MSI2: variants seen among roughly 807,000 people sequenced by gnomAD.
MSI2 encodes RNA-binding protein Musashi homolog 2.
In MSI2, 17 loss-of-function variants were observed where a neutral mutation model predicts 45.6. That is an observed-to-expected ratio of 0.37 (90% CI 0.26 to 0.56). The LOEUF (loss-of-function observed/expected upper bound fraction) is 0.56, where lower values mean the gene tolerates loss of function less well. MSI2 is among the 20% of genes least tolerant of loss of function. The pLI is 0.77. For synonymous variants in MSI2, 156 were observed against 158.2 expected (o/e 0.99, Z 0.11); for missense variants, 293 against 444.2 (o/e 0.66, Z 3.06).
At chr17:57,441,120 G>A (rs1269136770) in intron 6 of MSI2, among the ~76,000 whole-genome samples, 1 of 152,138 alleles carries the variant, frequency 6.6e-6, no homozygotes, top group African/African-American at 2.4e-5. Context: ...TGAGGATGAA[G>A]TCTTTGTATT....
intron 7 of MSI2, among the ~76,000 whole-genome samples, chr17:57,570,434 G>T (rs1246978388): frequency 6.6e-6 from 1 of 152,190 alleles, no homozygotes; most frequent in Non-Finnish European, 1.5e-5. Context: ...GTTGAAATCT[G>T]TGCCTTAATT....
At chr17:57,619,468 G>A (rs1332280781) in intron 9 of MSI2, among the ~76,000 whole-genome samples, 1 of 152,222 alleles carries the variant, frequency 6.6e-6, no homozygotes, top group Non-Finnish European at 1.5e-5. Context: ...CCAGTCTTAG[G>A]AATCAGGGAA....
intron 8 of MSI2, among the ~76,000 whole-genome samples, chr17:57,598,756 G>C (rs185262116): frequency 6.6e-6 from 1 of 151,998 alleles, no homozygotes; most frequent in Non-Finnish European, 1.5e-5. Context: ...TCCGCCTCCC[G>C]GGCTCAAGCA....
chr17:57,435,147 G>A (rs2143415585), intron 6 of MSI2, among the ~76,000 whole-genome samples: 1 of 152,156 alleles, frequency 6.6e-6, no homozygotes, highest in East Asian at 1.9e-4. Context: ...GTTGCAACTT[G>A]GGGCTACTTT....
At chr17:57,273,121 C>T (rs189227839) in intron 5 of MSI2, among the ~76,000 whole-genome samples, 1 of 152,234 alleles carries the variant, frequency 6.6e-6, no homozygotes, top group East Asian at 1.9e-4. Flanking sequence ...TTGTGAATCT[C>T]CACGAGATTG....
chr17:57,289,273 T>C (rs1440019891), intron 5 of MSI2, among the ~76,000 whole-genome samples: 3 of 152,108 alleles, frequency 2.0e-5, no homozygotes, highest in African/African-American at 4.8e-5. Context: ...GGCCAGCATC[T>C]CTATAGAGCT....
upstream of MSI2, among the ~76,000 whole-genome samples, chr17:57,256,342 TGC>T (rs1906706473): frequency 6.6e-6 from 1 of 150,704 alleles, no homozygotes; most frequent in South Asian, 2.1e-4. Context: ...GGGCCGAGTG[TGC>T]GCGCGCGGGC....
chr17:57,621,663 G>A (rs1908301107), intron 9 of MSI2, among the ~76,000 whole-genome samples: 1 of 152,158 alleles, frequency 6.6e-6, no homozygotes, highest in Non-Finnish European at 1.5e-5. Flanking sequence ...CTCTTCAGAG[G>A]GAGGCTGATA....
At chr17:57,506,868 G>T (rs538839620) in intron 6 of MSI2, among the ~76,000 whole-genome samples, 124 of 152,238 alleles carry the variant, frequency 8.1e-4, no homozygotes, top group African/African-American at 2.8e-3. Context: ...ACAGATTTCT[G>T]ACAGCTAGGA....
intron 6 of MSI2, among the ~76,000 whole-genome samples, chr17:57,487,596 G>A (rs2085780940): frequency 6.6e-6 from 1 of 151,964 alleles, no homozygotes; most frequent in Admixed American, 6.5e-5. Context: ...CTCAATACCT[G>A]GCAGCAGCCC....
At chr17:57,605,304 G>A (rs1028814369) in intron 8 of MSI2, among the ~76,000 whole-genome samples, 4 of 152,218 alleles carry the variant, frequency 2.6e-5, no homozygotes, top group Admixed American at 6.5e-5. Flanking sequence ...CGGGTGGTTC[G>A]GTGGTAAATG....
chr17:57,339,856 A>G (rs1344089066), intron 5 of MSI2, among the ~76,000 whole-genome samples: 1 of 152,084 alleles, frequency 6.6e-6, no homozygotes, highest in Admixed American at 6.5e-5. Context: ...ATTCTGGGCC[A>G]TGGCCTCCTG....
chr17:57,631,990 G>T, intron 10 of MSI2: 1 of 1,427,230 alleles, frequency 7.0e-7, no homozygotes, highest in Non-Finnish European at 9.1e-7. Context: ...TTAATTCTTG[G>T]ACTCATGTCC....
chr17:57,563,425 AG>A (rs939662731), intron 7 of MSI2, among the ~76,000 whole-genome samples: 7 of 152,078 alleles, frequency 4.6e-5, no homozygotes, highest in Middle Eastern at 3.2e-3. Flanking sequence ...CAGCCCTGTG[AG>A]ATAAGGACCC....
At chr17:57,272,370 G>A (rs1440781230) in intron 5 of MSI2, among the ~76,000 whole-genome samples, 1 of 152,194 alleles carries the variant, frequency 6.6e-6, no homozygotes, top group Non-Finnish European at 1.5e-5. Context: ...CAACATCACA[G>A]AGCTGGGCAC....
intron 6 of MSI2, among the ~76,000 whole-genome samples, chr17:57,450,772 T>C (rs2143548045): frequency 6.6e-6 from 1 of 151,956 alleles, no homozygotes; most frequent in South Asian, 2.1e-4. Context: ...ACCCTTGATC[T>C]TATTTTCATA....
intron 10 of MSI2, among the ~76,000 whole-genome samples, chr17:57,650,215 CT>C (rs1911029381): frequency 6.6e-6 from 1 of 151,786 alleles, no homozygotes; most frequent in Non-Finnish European, 1.5e-5. Context: ...CTTCGTTCCT[CT>C]TTCCCCCTCC....
At chr17:57,355,008 T>A (rs1916312795) in intron 5 of MSI2, among the ~76,000 whole-genome samples, 1 of 152,170 alleles carries the variant, frequency 6.6e-6, no homozygotes, top group Non-Finnish European at 1.5e-5. Flanking sequence ...GTCAGGATCC[T>A]TCTGGTTTCA....
chr17:57,273,667 C>G (rs972520349), intron 5 of MSI2, among the ~76,000 whole-genome samples: 2 of 152,174 alleles, frequency 1.3e-5, no homozygotes, highest in African/African-American at 4.8e-5. Context: ...TTGTGATTGC[C>G]TTTATTGCCA....
Sources: allele counts gnomAD v4.1 joint callset (sites outside exome capture counted in the v4.1 genomes callset), GRCh38; gene constraint gnomAD v4.1.1; transcripts MANE v1.5; gene names NCBI Gene and HGNC (gene_info 2026-07-23, HGNC 2026-07-21).